IMMP1L: variants seen among roughly 807,000 people sequenced by gnomAD.
The protein encoded by IMMP1L is inner mitochondrial membrane peptidase subunit 1, also known as mitochondrial inner membrane protease subunit 1.
In IMMP1L, 24 loss-of-function variants were observed where a neutral mutation model predicts 21.8. The observed-to-expected ratio is 1.10, with a 90% confidence interval of 0.80 to 1.55. IMMP1L has a LOEUF of 1.55. Ranked by LOEUF, IMMP1L falls within the 40% of genes most tolerant of loss-of-function variation. IMMP1L has a pLI of 0.00. For synonymous variants in IMMP1L, 46 were observed against 62.8 expected (o/e 0.73, Z 1.26); for missense variants, 195 against 200.7 (o/e 0.97, Z 0.17).
chr11:31,492,873 A>G (rs988882757), intron 1 of IMMP1L, among the ~76,000 whole-genome samples: 9 of 152,226 alleles, frequency 5.9e-5, no homozygotes, highest in African/African-American at 2.2e-4. Flanking sequence ...GCAACACCAA[A>G]GATCCTGATC....
chr11:31,464,456 T>C (rs554524528), intron 1 of IMMP1L, among the ~76,000 whole-genome samples: 216 of 152,262 alleles, frequency 1.4e-3, no homozygotes, highest in Middle Eastern at 6.8e-3. Flanking sequence ...CAGGTCAGCA[T>C]TGCCCTAATG....
At chr11:31,468,879 G>A (rs1273612275) in intron 1 of IMMP1L, among the ~76,000 whole-genome samples, 2 of 151,964 alleles carry the variant, frequency 1.3e-5, no homozygotes, top group South Asian at 2.1e-4. Flanking sequence ...TCTGAAGAAC[G>A]CCCAAACTGT....
intron 2 of IMMP1L, 151 bp downstream of exon 2, chr11:31,463,021 A>G: frequency 1.6e-6 from 1 of 608,660 alleles, no homozygotes; most frequent in Non-Finnish European, 2.8e-6. Flanking sequence ...CTCTCTTATT[A>G]TTCCAATATT....
At chr11:31,460,477 A>T in intron 3 of IMMP1L, 149 bp downstream of exon 3, 1 of 573,112 alleles carries the variant, frequency 1.7e-6, no homozygotes, top group Non-Finnish European at 3.2e-6. Flanking sequence ...ACTGAAAGAG[A>T]ATATTTGACT....
intron 4 of IMMP1L, chr11:31,437,112 C>T (rs1031254761): frequency 2.3e-6 from 1 of 440,002 alleles, no homozygotes; most frequent in Non-Finnish European, 4.6e-6. Flanking sequence ...CTTTGCTGAT[C>T]CACCTCTATA....
intron 1 of IMMP1L, among the ~76,000 whole-genome samples, chr11:31,471,439 A>C (rs1382005697): frequency 1.3e-5 from 2 of 152,162 alleles, no homozygotes; most frequent in Admixed American, 1.3e-4. Context: ...TGTCTCTCCT[A>C]ATCATTGAAG....
intron 4 of IMMP1L, among the ~76,000 whole-genome samples, chr11:31,435,054 T>C (rs1275827499): frequency 6.6e-6 from 1 of 152,230 alleles, no homozygotes; most frequent in Admixed American, 6.5e-5. Context: ...ATCTTTCGTG[T>C]CTAAATTTCC....
At chr11:31,476,433 T>C (rs1018700000) in intron 1 of IMMP1L, among the ~76,000 whole-genome samples, 3 of 152,038 alleles carry the variant, frequency 2.0e-5, no homozygotes, top group African/African-American at 7.2e-5. Context: ...AGACTTTATA[T>C]GGAAAAGAAT....
intron 2 of IMMP1L, among the ~76,000 whole-genome samples, chr11:31,461,746 T>G (rs1345777030): frequency 1.3e-5 from 2 of 152,312 alleles, no homozygotes; most frequent in East Asian, 3.9e-4. Flanking sequence ...TATCTCATTA[T>G]GTATATGCAA....
intron 1 of IMMP1L, among the ~76,000 whole-genome samples, chr11:31,478,849 C>T (rs1954803129): frequency 1.3e-5 from 2 of 151,736 alleles, no homozygotes; most frequent in African/African-American, 2.4e-5. Flanking sequence ...TGAATCAAGT[C>T]AAATAAATTG....
chr11:31,465,881 T>C (rs1005989358), intron 1 of IMMP1L, among the ~76,000 whole-genome samples: 2 of 152,024 alleles, frequency 1.3e-5, no homozygotes, highest in African/African-American at 4.8e-5. Context: ...AAAGATTTTA[T>C]GGCTAAGAAA....
chr11:31,476,644 G>C (rs1954739772), intron 1 of IMMP1L, among the ~76,000 whole-genome samples: 1 of 151,898 alleles, frequency 6.6e-6, no homozygotes, highest in Non-Finnish European at 1.5e-5. Context: ...AAACAAAAGA[G>C]CTATGAGATA....
At chr11:31,434,309 T>C (rs1297264328) in intron 4 of IMMP1L, among the ~76,000 whole-genome samples, 2 of 152,182 alleles carry the variant, frequency 1.3e-5, no homozygotes, top group East Asian at 3.8e-4. Context: ...ATCATAAGCA[T>C]ATTTAGAACA....
intron 1 of IMMP1L, among the ~76,000 whole-genome samples, chr11:31,503,489 A>C (rs2133834455): frequency 6.6e-6 from 1 of 152,278 alleles, no homozygotes; most frequent in Admixed American, 6.5e-5. Context: ...AGATTACGTG[A>C]AAAATCCCTA....
chr11:31,463,138 T>C, intron 2 of IMMP1L, 34 bp downstream of exon 2: 1 of 1,535,758 alleles, frequency 6.5e-7, no homozygotes, highest in East Asian at 2.3e-5. Context: ...AAAGTATATA[T>C]TTAAGATGAA....
chr11:31,495,319 C>T (rs1258174697), intron 1 of IMMP1L, among the ~76,000 whole-genome samples: 1 of 152,188 alleles, frequency 6.6e-6, no homozygotes, highest in African/African-American at 2.4e-5. Context: ...TTCTTCTGAG[C>T]CCTCCAAACT....
chr11:31,462,843 T>A (rs1954198385), intron 2 of IMMP1L, among the ~76,000 whole-genome samples: 1 of 152,208 alleles, frequency 6.6e-6, no homozygotes, highest in Non-Finnish European at 1.5e-5. Context: ...AGTTAGTAAG[T>A]GTAAAACATC....
In IMMP1L at chr11:31,504,727, C is replaced by T. The variant is rs183941229; in HGVS notation, c.-30+4792G>A. On this transcript the variant is annotated intron_variant, in intron 1 of 5. Coordinates refer to ENST00000532287, the MANE Select transcript of IMMP1L (RefSeq NM_001304274.2). The stretch of plus-strand genomic sequence containing the variant: ...AGCAATAAGAATAGATCAGCCACAA[C>T]GACACACATTAACAAGGATCATTTC... Among the ~76,000 whole-genome samples the T allele has an allele frequency of 1.9e-3, 293 of 152,128 alleles. 2 individuals are homozygous for T. Among genetic ancestry groups the T allele is most frequent in the African/African-American group, 6.8e-3 (284 of 41,490 alleles).
At chr11:31,507,831 T>C (rs993253927) in intron 1 of IMMP1L, among the ~76,000 whole-genome samples, 15 of 152,084 alleles carry the variant, frequency 9.9e-5, no homozygotes, top group African/African-American at 3.6e-4. Flanking sequence ...AGATGTTATG[T>C]ACTCTTACCA....
Sources: gnomAD v4.1 joint callset for allele counts (sites outside exome capture counted in the v4.1 genomes callset) on GRCh38, gnomAD v4.1.1 for gene constraint, MANE v1.5 for transcripts, NCBI Gene and HGNC (gene_info 2026-07-23, HGNC 2026-07-21) for gene names.